CSMD3: variants seen among roughly 807,000 people sequenced by gnomAD.
The protein encoded by CSMD3 is CUB and Sushi multiple domains 3, also known as CUB and sushi domain-containing protein 3.
Under a neutral mutation model 435.2 loss-of-function variants are expected in CSMD3, and 177 were observed. That is an observed-to-expected ratio of 0.41 (90% CI 0.36 to 0.46). The LOEUF (loss-of-function observed/expected upper bound fraction) is 0.46, where lower values mean the gene tolerates loss of function less well. Ranked by LOEUF, CSMD3 falls within the 20% of genes least tolerant of loss-of-function variation. The pLI is 0.34. For synonymous variants in CSMD3, 1,656 were observed against 1,520.5 expected (o/e 1.09, Z -2.07); for missense variants, 4,265 against 4,504.6 (o/e 0.95, Z 1.52).
chr8:113,340,257 C>T (rs532879979), intron 1 of CSMD3, among the ~76,000 whole-genome samples: 110 of 152,060 alleles, frequency 7.2e-4, no homozygotes, highest in Non-Finnish European at 1.3e-3. Flanking sequence ...TAAATTAGTA[C>T]TCTTATCACC....
chr8:113,019,098 A>G lies in CSMD3; in HGVS notation c.999T>C (p.His333=), dbSNP rs779435684. ...AGGGAGCACTAAATCCACGGTATCG[A>G]TGATTGCTGTCTGTAACAAAATGCA... ...LRLHFVTDSN[H]RYRGFSAPYQ... is the part of the protein sequence containing the mutation. Residue 333 remains histidine, a synonymous_variant, in exon 6 of 71, where the codon CAT becomes CAC. Transcript: ENST00000297405. 15 of 1,612,878 alleles carry G rather than the reference A, an allele frequency of 9.3e-6. No individual in the cohort carries two copies. The highest frequency in any genetic ancestry group is 1.1e-5 in the Non-Finnish European group (13 of 1,178,982).
intron 17 of CSMD3, among the ~76,000 whole-genome samples, chr8:112,659,464 T>C (rs191484540): frequency 4.7e-4 from 72 of 152,272 alleles, no homozygotes; most frequent in South Asian, 8.3e-4. Flanking sequence ...TAAAAAACAT[T>C]CTTGATGTAA....
chr8:113,195,633 C>G (rs1192610481), intron 3 of CSMD3, among the ~76,000 whole-genome samples: 1 of 150,334 alleles, frequency 6.7e-6, no homozygotes, highest in African/African-American at 2.4e-5. Flanking sequence ...TAATGTACAA[C>G]AGACTGCATT....
intron 4 of CSMD3, among the ~76,000 whole-genome samples, chr8:113,125,431 T>C (rs1381424593): frequency 6.6e-6 from 1 of 151,904 alleles, no homozygotes; most frequent in African/African-American, 2.4e-5. Context: ...ATTATCAGCA[T>C]AGAGATGGAA....
Position 112,346,186 on chromosome 8 carries a change from A to C in CSMD3, c.6353T>G (p.Phe2118Cys). The C allele has an allele frequency of 6.2e-7, 1 of 1,612,948 alleles. No homozygotes were observed. Among genetic ancestry groups the C allele is most frequent in the Non-Finnish European group, 8.5e-7 (1 of 1,178,916 alleles). Residue 2118 changes from phenylalanine (F) to cysteine (C), a missense_variant, in exon 41 of 71, where the codon TTC (phenylalanine) becomes TGC (cysteine). Around this residue, in one of 3 missense-constraint regions of CSMD3, gnomAD observed 3,255 missense variants for 3,380.2 expected, o/e 0.96. Coordinates refer to ENST00000297405, the MANE Select transcript of CSMD3 (RefSeq NM_198123.2). The stretch of plus-strand genomic sequence containing the variant: ...CCCAGGACTGAGGATCACACCACTG[A>C]AGTCTGACATAGCACCACCACACTG... ...LAQCGGAMSD[F>C]SGVILSPGFP...
intron 3 of CSMD3, among the ~76,000 whole-genome samples, chr8:113,263,578 C>T (rs1024006371): frequency 1.3e-5 from 2 of 151,848 alleles, no homozygotes; most frequent in African/African-American, 4.8e-5. Context: ...TATACTCCCC[C>T]TCAACCTATG....
intron 28 of CSMD3, among the ~76,000 whole-genome samples, chr8:112,515,643 A>G (rs1823591821): frequency 6.6e-6 from 1 of 152,076 alleles, no homozygotes; most frequent in African/African-American, 2.4e-5. Context: ...ATACAGCTAA[A>G]TCTGAACTGT....
intron 1 of CSMD3, among the ~76,000 whole-genome samples, chr8:113,398,683 T>G (rs755444531): frequency 1.9e-4 from 29 of 152,288 alleles, no homozygotes; most frequent in Admixed American, 9.8e-4. Flanking sequence ...TTGTGCTTAT[T>G]ATTAGCATTG....
intron 63 of CSMD3, among the ~76,000 whole-genome samples, chr8:112,249,152 C>T (rs1398489963): frequency 6.6e-6 from 1 of 152,094 alleles, no homozygotes; most frequent in South Asian, 2.1e-4. Context: ...AGGTTAGAAC[C>T]CAGTTAATAG....
intron 1 of CSMD3, among the ~76,000 whole-genome samples, chr8:113,338,963 T>C (rs1283531217): frequency 1.3e-5 from 2 of 151,958 alleles, no homozygotes; most frequent in African/African-American, 2.4e-5. Flanking sequence ...CTTTAAAATG[T>C]TTTTCATAAT....
chr8:112,689,394 T>C (rs1357476467), intron 14 of CSMD3, among the ~76,000 whole-genome samples: 1 of 152,058 alleles, frequency 6.6e-6, no homozygotes, highest in Non-Finnish European at 1.5e-5. Flanking sequence ...TAATGAATTG[T>C]ATTGTATGCA....
intron 52 of CSMD3, among the ~76,000 whole-genome samples, chr8:112,303,536 C>T (rs1821124944): frequency 6.6e-6 from 1 of 151,908 alleles, no homozygotes; most frequent in East Asian, 1.9e-4. Context: ...GCCTGGCAGA[C>T]AGAGCAAGAC....
At chr8:112,801,735 G>A (rs1054864166) in intron 12 of CSMD3, among the ~76,000 whole-genome samples, 1 of 151,924 alleles carries the variant, frequency 6.6e-6, no homozygotes, top group African/African-American at 2.4e-5. Flanking sequence ...CAGGTTTATG[G>A]GAAAGGGTAA....
intron 5 of CSMD3, among the ~76,000 whole-genome samples, chr8:113,054,478 C>G (rs2088231865): frequency 6.6e-6 from 1 of 152,052 alleles, no homozygotes; most frequent in Non-Finnish European, 1.5e-5. Context: ...AATCTACCAT[C>G]CACTCTTATA....
At chr8:113,304,304 A>G (rs1293584927) in intron 2 of CSMD3, among the ~76,000 whole-genome samples, 1 of 73,344 alleles carries the variant, frequency 1.4e-5, no homozygotes, top group Non-Finnish European at 2.5e-5. Context: ...GAACACTTTT[A>G]CACTGTTGGT....
intron 5 of CSMD3, among the ~76,000 whole-genome samples, chr8:113,074,072 A>G (rs1042058176): frequency 2.6e-5 from 4 of 151,778 alleles, no homozygotes; most frequent in African/African-American, 9.7e-5. Context: ...AGTAGCTTCT[A>G]TGTAGCAAGC....
Position 112,689,979 on chromosome 8 carries a change from T to G in CSMD3, c.2044A>C (p.Asn682His). ...CATTCAAACCTTAAAACATCACGAT[T>G]AGAAAATCCATCGCCTTCTCTAATT... ...YGIREGDGFS[N>H]RDVLRFECQF... Residue 682 changes from asparagine (N) to histidine (H), a missense_variant, in exon 14 of 71, where the codon AAT becomes CAT. Physicochemically the swap from Asn to His is moderately conservative, Grantham distance 68. Around this residue, in one of 3 missense-constraint regions of CSMD3, gnomAD observed 279 missense variants for 369.0 expected, o/e 0.76. Transcript: ENST00000297405. The G allele has an allele frequency of 6.2e-7, 1 of 1,613,260 alleles. No individual in the cohort carries two copies. Among genetic ancestry groups the G allele is most frequent in the East Asian group, 2.2e-5 (1 of 44,796 alleles).
chr8:113,029,059 G>T (rs2086982136), intron 5 of CSMD3, among the ~76,000 whole-genome samples: 1 of 151,496 alleles, frequency 6.6e-6, no homozygotes, highest in Non-Finnish European at 1.5e-5. Flanking sequence ...GGTTAATGAA[G>T]CTGGCAACTT....
At chr8:112,345,994 C>G in intron 41 of CSMD3, 103 bp downstream of exon 41, 1 of 793,936 alleles carries the variant, frequency 1.3e-6, no homozygotes, top group Non-Finnish European at 2.3e-6. Context: ...AACTAAACTG[C>G]AATTTGTGAA....
Sources: allele counts gnomAD v4.1 joint callset (sites outside exome capture counted in the v4.1 genomes callset), GRCh38; gene constraint gnomAD v4.1.1; regional missense constraint gnomAD v4.1.1; transcripts MANE v1.5; gene names NCBI Gene and HGNC (gene_info 2026-07-23, HGNC 2026-07-21).